The following PCDH15 variants were observed in gnomAD, a reference collection of about 807,000 sequenced individuals.
The protein encoded by PCDH15 is protocadherin related 15, also known as protocadherin-15.
PCDH15 carries 129 observed loss-of-function variants against 178.5 expected under a neutral mutation model. That is an observed-to-expected ratio of 0.72 (90% CI 0.63 to 0.84). PCDH15 has a LOEUF of 0.84. Among genes scored for constraint, PCDH15 ranks in the 40% least tolerant of loss-of-function variants. The pLI is 0.00. For synonymous variants in PCDH15, 800 were observed against 732.0 expected (o/e 1.09, Z -1.50); for missense variants, 2,230 against 2,099.9 (o/e 1.06, Z -1.21).
At chr10:54,624,149 C>T (rs951385935) in intron 2 of PCDH15, among the ~76,000 whole-genome samples, 4 of 151,934 alleles carry the variant, frequency 2.6e-5, no homozygotes, top group African/African-American at 4.8e-5. Context: ...GTTTCTCCAT[C>T]GAAGTACTTA....
chr10:55,336,926 C>T (rs573226598), intron 2 of PCDH15, among the ~76,000 whole-genome samples: 1 of 152,104 alleles, frequency 6.6e-6, no homozygotes, highest in East Asian at 1.9e-4. Flanking sequence ...GGAAATACAT[C>T]TTTTCTGTGC....
chr10:54,965,461 C>A (rs71492635), intron 2 of PCDH15, among the ~76,000 whole-genome samples: 3,561 of 152,146 alleles, frequency 0.023, 56 homozygotes, highest in Non-Finnish European at 0.035. Context: ...TCCTCCTTGA[C>A]CTTCTGCCAT....
chr10:55,213,673 G>A (rs1200648200), intron 1 of PCDH15, among the ~76,000 whole-genome samples: 1 of 151,226 alleles, frequency 6.6e-6, no homozygotes, highest in South Asian at 2.1e-4. Context: ...GTTTATTTAT[G>A]TTTTCTTGTT....
chr10:54,021,883 T>C (rs1378326167), intron 19 of PCDH15, among the ~76,000 whole-genome samples: 1 of 151,930 alleles, frequency 6.6e-6, no homozygotes, highest in Non-Finnish European at 1.5e-5. Flanking sequence ...AGCAGGAGAC[T>C]TGGCATACTA....
At chr10:54,755,984 C>T (rs899647707) in intron 1 of PCDH15, among the ~76,000 whole-genome samples, 23 of 151,386 alleles carry the variant, frequency 1.5e-4, no homozygotes, top group African/African-American at 5.3e-4. Context: ...ACTTTGGCAG[C>T]GGGTGGATCA....
intron 1 of PCDH15, among the ~76,000 whole-genome samples, chr10:55,201,021 T>A (rs564940734): frequency 6.6e-6 from 1 of 152,092 alleles, no homozygotes; most frequent in Non-Finnish European, 1.5e-5. Flanking sequence ...GTCTAGAGAT[T>A]GATTAATGAC....
intron 16 of PCDH15, among the ~76,000 whole-genome samples, chr10:54,084,347 C>T (rs1459215015): frequency 6.6e-6 from 1 of 151,802 alleles, no homozygotes; most frequent in African/African-American, 2.4e-5. Flanking sequence ...GTGGTGGGTG[C>T]CTGTAGTCCC....
rs2049935176 is a variant in PCDH15 at position 54,198,707 on chromosome 10, T to C, written c.1099-2818A>G. 1.5e-5 allele frequency among the ~76,000 whole-genome samples: 2 copies of C among 137,702 alleles called. 1 individual carries two copies. The highest frequency in any genetic ancestry group is 4.6e-4 in the South Asian group (2 of 4,394). 90.3% of individuals were successfully genotyped at this position (137,702 alleles called of 152,430 possible). ...TAGTAGAGACGGGGTTTCACCGTTT[T>C]AGCCGGGATGGTCTCGATCTCCTGA... On this transcript the variant is annotated intron_variant, in intron 10 of 37. Transcript: ENST00000644397.
At chr10:55,507,311 C>G (rs1260035155) in intron 2 of PCDH15, among the ~76,000 whole-genome samples, 1 of 151,414 alleles carries the variant, frequency 6.6e-6, no homozygotes, top group African/African-American at 2.4e-5. Flanking sequence ...AGGTAAGTGG[C>G]TGTCATCTAC....
At chr10:55,102,954 T>G (rs141194331) in intron 2 of PCDH15, among the ~76,000 whole-genome samples, 108 of 152,238 alleles carry the variant, frequency 7.1e-4, no homozygotes, top group African/African-American at 2.5e-3. Context: ...CTTATCTTCA[T>G]GTTGAGTCTG....
At chr10:54,368,614 T>C (rs1947157676) in intron 5 of PCDH15, among the ~76,000 whole-genome samples, 1 of 152,070 alleles carries the variant, frequency 6.6e-6, no homozygotes, top group Non-Finnish European at 1.5e-5. Context: ...AATATAATTT[T>C]TCTAATTTGA....
intron 2 of PCDH15, among the ~76,000 whole-genome samples, chr10:54,634,949 G>A (rs7091909): frequency 0.015 from 2,251 of 151,328 alleles, 51 homozygotes; most frequent in African/African-American, 0.051. Context: ...AAGTGTACAC[G>A]GCCTCTTTAG....
chr10:54,566,836 T>C (rs1255187106), intron 2 of PCDH15, among the ~76,000 whole-genome samples: 2 of 152,158 alleles, frequency 1.3e-5, no homozygotes, highest in South Asian at 2.1e-4. Flanking sequence ...TTCAGCTTCT[T>C]TGGGTAAATA....
chr10:54,143,808 T>C (rs939970881), intron 14 of PCDH15, among the ~76,000 whole-genome samples: 1 of 152,154 alleles, frequency 6.6e-6, no homozygotes, highest in Non-Finnish European at 1.5e-5. Context: ...CTGCCTATTT[T>C]CTCCGGAATT....
At chr10:54,287,276 A>G (rs535463971) in intron 8 of PCDH15, among the ~76,000 whole-genome samples, 1 of 152,338 alleles carries the variant, frequency 6.6e-6, no homozygotes, top group East Asian at 1.9e-4. Context: ...ATCTGAAAAC[A>G]ATAATGAGGC....
At chr10:55,492,775 T>C (rs1183450557) in intron 2 of PCDH15, among the ~76,000 whole-genome samples, 3 of 151,764 alleles carry the variant, frequency 2.0e-5, no homozygotes, top group Non-Finnish European at 4.4e-5. Context: ...ATTATAGATA[T>C]GTTCAAATAA....
At chr10:55,395,506 A>G (rs888881137) in intron 2 of PCDH15, among the ~76,000 whole-genome samples, 2 of 152,132 alleles carry the variant, frequency 1.3e-5, no homozygotes, top group African/African-American at 4.8e-5. Flanking sequence ...AGTCCCCTTA[A>G]GAAGATAAAT....
intron 2 of PCDH15, among the ~76,000 whole-genome samples, chr10:55,132,417 T>C (rs140197837): frequency 0.012 from 1,882 of 152,278 alleles, 19 homozygotes; most frequent in South Asian, 0.02. Context: ...TACCATTGCC[T>C]AATGTAAGAG....
intron 28 of PCDH15, among the ~76,000 whole-genome samples, chr10:53,847,937 ATATT>A (rs1352273769): frequency 6.6e-6 from 1 of 152,078 alleles, no homozygotes; most frequent in Non-Finnish European, 1.5e-5. Flanking sequence ...TTAGCCTTTA[ATATT>A]TATTAGACAT....
Sources: gnomAD v4.1 joint callset for allele counts (sites outside exome capture counted in the v4.1 genomes callset) on GRCh38, gnomAD v4.1.1 for gene constraint, MANE v1.5 for transcripts, NCBI Gene and HGNC (gene_info 2026-07-23, HGNC 2026-07-21) for gene names.